Variants in CERS5 observed in about 807,000 individuals in gnomAD.
The protein encoded by CERS5 is ceramide synthase 5, also known as LAG1 homolog, ceramide synthase 5.
In CERS5, 37 loss-of-function variants were observed where a neutral mutation model predicts 58.9. That is an observed-to-expected ratio of 0.63 (90% confidence interval 0.48 to 0.83). The LOEUF (loss-of-function observed/expected upper bound fraction) is 0.83, where lower values mean the gene tolerates loss of function less well. Ranked by LOEUF, CERS5 falls within the 40% of genes least tolerant of loss-of-function variation. The pLI is 0.00. For missense variants in CERS5, 398 were observed against 489.3 expected, an observed-to-expected ratio of 0.81 and a Z score of 1.76; for synonymous variants, 147 against 177.8, an observed-to-expected ratio of 0.83 and a Z score of 1.38.
rs1344833312 is a variant in CERS5, at chr12:50,146,934, G to A, written c.198-2877C>T. 2.0e-5 allele frequency among the ~76,000 whole-genome samples: 3 copies of A among 151,422 alleles called. No homozygotes were observed. In the East Asian group the frequency reaches 5.8e-4, roughly 29 times the overall value. On this transcript the variant is annotated intron_variant, in intron 1 of 9. Coordinates refer to ENST00000317551, the MANE Select transcript of CERS5 (RefSeq NM_147190.5). ...GAATGAAGCTTTATTATATTTTCCA[G>A]ATGTGATTGGAAAATAATCTTTTCT...
chr12:50,150,643 G>A lies in CERS5; in HGVS notation c.198-6586C>T, dbSNP rs139190513. On this transcript the variant is annotated intron_variant, in intron 1 of 9. Coordinates refer to ENST00000317551, the MANE Select transcript of CERS5 (RefSeq NM_147190.5). The stretch of plus-strand genomic sequence containing the variant: ...AAAGAGAACTGAGGTCAGAACGCTG[G>A]ACAACATCAGCATAAAAGGTGAATT... 5.3e-5 allele frequency among the ~76,000 whole-genome samples: 8 copies of A among 152,222 alleles called. No homozygotes were observed. In the East Asian group the frequency reaches 1.5e-3, roughly 29 times the overall value.
intron 1 of CERS5, among the ~76,000 whole-genome samples, chr12:50,156,763 A>G (rs959374727): frequency 1.3e-5 from 2 of 152,186 alleles, no homozygotes; most frequent in Non-Finnish European, 2.9e-5. Context: ...CTCAGGAGTC[A>G]AAAAGGAAAT....
At chr12:50,132,397 T>C (rs1330279637) in intron 9 of CERS5, among the ~76,000 whole-genome samples, 1 of 149,862 alleles carries the variant, frequency 6.7e-6, no homozygotes, top group East Asian at 1.9e-4. Context: ...AGCTAAACTC[T>C]GTCTCAAAAA....
At chr12:50,146,027 A>T (rs1422272594) in intron 1 of CERS5, among the ~76,000 whole-genome samples, 2 of 152,204 alleles carry the variant, frequency 1.3e-5, no homozygotes, top group Non-Finnish European at 2.9e-5. Flanking sequence ...TCCTATCGAC[A>T]TAATTGCATG....
intron 1 of CERS5, among the ~76,000 whole-genome samples, chr12:50,150,523 A>G (rs555330070): frequency 1.6e-4 from 24 of 152,296 alleles, no homozygotes; most frequent in African/African-American, 5.8e-4. Flanking sequence ...ATAGAGAGAA[A>G]GAACAGAATA....
At chr12:50,159,452 CT>C (rs1472593162) in intron 1 of CERS5, among the ~76,000 whole-genome samples, 1 of 152,044 alleles carries the variant, frequency 6.6e-6, no homozygotes, top group Non-Finnish European at 1.5e-5. Context: ...CATCTAATAC[CT>C]TTGCATCATC....
At chr12:50,142,589 T>G (rs1394432475) in intron 3 of CERS5, among the ~76,000 whole-genome samples, 1 of 149,822 alleles carries the variant, frequency 6.7e-6, no homozygotes, top group Admixed American at 6.7e-5. Flanking sequence ...TCATCTTTCA[T>G]TAGGAAAATA....
In CERS5 at chr12:50,134,618, G is replaced by C; in HGVS notation, c.957C>G (p.Thr319=). Residue 319 remains threonine (T), a synonymous_variant, in exon 9 of 10, where the codon ACC becomes ACG. Coordinates refer to ENST00000317551, the MANE Select transcript of CERS5 (RefSeq NM_147190.5). ...ACCAGATGACATGCAGAAGCTGTAG[G>C]GTCAGCAGCAGGCCATTGAGGAGCC... The part of the protein sequence containing the change: ...SWWLLNGLLL[T]LQLLHVIWSY... 2 of 1,614,136 alleles carry C rather than the reference G, an allele frequency of 1.2e-6. No individual in the cohort carries two copies. The highest frequency in any genetic ancestry group is 8.5e-7 in the Non-Finnish European group (1 of 1,180,014).
chr12:50,138,669 C>T (rs773101326), intron 4 of CERS5, 52 bp from the exon 5 acceptor site: 1 of 1,449,440 alleles, frequency 6.9e-7, no homozygotes, highest in Admixed American at 1.7e-5. Context: ...CACCTGGCTT[C>T]AAGATCTACC....
chr12:50,154,769 A>G (rs182338041), intron 1 of CERS5, among the ~76,000 whole-genome samples: 1 of 152,172 alleles, frequency 6.6e-6, no homozygotes, highest in Non-Finnish European at 1.5e-5. Context: ...AGCTCAAGCT[A>G]TCCTCCTGTC....
At chr12:50,144,161 A>G in intron 1 of CERS5, 104 bp from the exon 2 acceptor site, 1 of 688,522 alleles carries the variant, frequency 1.5e-6, no homozygotes, top group Non-Finnish European at 2.6e-6. Flanking sequence ...TGATGTTTCA[A>G]TGCATGTATA....
chr12:50,139,815 C>T (rs1354366665), intron 4 of CERS5, among the ~76,000 whole-genome samples: 1 of 152,024 alleles, frequency 6.6e-6, no homozygotes, highest in Non-Finnish European at 1.5e-5. Flanking sequence ...AAACAAAAAC[C>T]CCACAAATGT....
Position 50,167,217 on chromosome 12 carries a change from C to T in CERS5, c.81G>A (p.Val27=), listed in dbSNP as rs749145006. 1 of 1,607,490 alleles carries T rather than the reference C, an allele frequency of 6.2e-7. No homozygotes were observed. Among genetic ancestry groups the T allele is most frequent in the South Asian group, 1.1e-5 (1 of 90,810 alleles). Residue 27 remains valine, a synonymous_variant, in exon 1 of 10, where the codon GTG becomes GTA. Transcript: ENST00000317551. ...WSERFWLPEN[V]SWADLEGPAD... The stretch of plus-strand genomic sequence containing the variant: ...CCGGCCCCTCCAGATCAGCCCAGCT[C>T]ACGTTCTCGGGTAGCCAGAAGCGCT...
At chr12:50,142,458 G>A (rs1376047696) in intron 3 of CERS5, among the ~76,000 whole-genome samples, 1 of 150,440 alleles carries the variant, frequency 6.6e-6, no homozygotes, top group East Asian at 2.0e-4. Flanking sequence ...GCTGAGGCAG[G>A]AGAATCGCTT....
In CERS5 at chr12:50,135,715, A is replaced by G; in HGVS notation, c.872+17T>C. ...TTAGGCTCATACCTACCACAACTCTACAGCCCTACCACTTACCAGAATGGA... is the reference window on the plus strand; with the variant it reads ...TTAGGCTCATACCTACCACAACTCTGCAGCCCTACCACTTACCAGAATGGA... On this transcript the variant is annotated intron_variant, in intron 8 of 9. Coordinates refer to ENST00000317551, the MANE Select transcript of CERS5 (RefSeq NM_147190.5). 6.4e-7 allele frequency: 1 copy of G among 1,553,204 alleles called. No individual in the cohort carries two copies. The highest frequency in any genetic ancestry group is 8.9e-7 in the Non-Finnish European group (1 of 1,124,634).
At chr12:50,139,049 C>G (rs980705872) in intron 4 of CERS5, among the ~76,000 whole-genome samples, 3 of 152,172 alleles carry the variant, frequency 2.0e-5, no homozygotes, top group Admixed American at 2.0e-4. Context: ...GTTCATAATA[C>G]TGTCTTATTA....
Position 50,130,639 on chromosome 12 carries a change from G to A in CERS5, c.1085C>T (p.Thr362Ile). 6.2e-7 allele frequency: 1 copy of A among 1,612,252 alleles called. No homozygotes were observed. The highest frequency in any genetic ancestry group is 8.5e-7 in the Non-Finnish European group (1 of 1,178,500). Residue 362 changes from threonine to isoleucine, a missense_variant, in exon 10 of 10, where the codon ACC (threonine) becomes ATC (isoleucine). Transcript: ENST00000317551. ...GTCACAGGGACTTTTTGTGCAGGTG[G>A]TCACATCTTCTTCCTCTGAGCTGCT... is the stretch of plus-strand genomic sequence containing the variant. ...VESSSEEEDV[T>I]TCTKSPCDSS...
intron 3 of CERS5, among the ~76,000 whole-genome samples, chr12:50,142,662 C>T (rs925496956): frequency 6.6e-6 from 1 of 151,908 alleles, no homozygotes; most frequent in South Asian, 2.1e-4. Flanking sequence ...ATACAGTGCT[C>T]ACAGACAGGA....
intron 1 of CERS5, among the ~76,000 whole-genome samples, chr12:50,151,935 C>T (rs183678955): frequency 4.5e-4 from 69 of 152,308 alleles, no homozygotes; most frequent in South Asian, 2.1e-3. Context: ...CGTGAGTCGC[C>T]GTGCGCGGCC....
Sources: allele counts gnomAD v4.1 joint callset (sites outside exome capture counted in the v4.1 genomes callset), GRCh38; gene constraint gnomAD v4.1.1; transcripts MANE v1.5; gene names NCBI Gene and HGNC (gene_info 2026-07-23, HGNC 2026-07-21).